Variants in SMAD2 observed in about 807,000 individuals in gnomAD.
SMAD2 encodes MAD homolog 2.
In SMAD2, 8 loss-of-function variants were observed where a neutral mutation model predicts 64.4. The ratio of observed to expected loss-of-function variants is 0.12; its 90% CI spans 0.07 to 0.22. The LOEUF (loss-of-function observed/expected upper bound fraction) is 0.22. Ranked by LOEUF, SMAD2 falls within the 10% of genes least tolerant of loss-of-function variation. SMAD2 has a pLI of 1.00. For missense variants in SMAD2, 289 were observed against 561.2 expected (o/e 0.51, Z 4.90); for synonymous variants, 203 against 195.8 (o/e 1.04, Z -0.31).
chr18:47,865,480 C>T (rs1025485698), intron 5 of SMAD2, among the ~76,000 whole-genome samples: 1 of 152,240 alleles, frequency 6.6e-6, no homozygotes, highest in South Asian at 2.1e-4. Context: ...TCAGTAACTA[C>T]AATTTTTTGT....
rs1362567267 is a variant in SMAD2, at chr18:47,903,268, G to C, written c.-53-6459C>G. ...CGAGGCTGAAATGAGTAGCGAACTT[G>C]AAGACAGGGTAGGATTGCTAAAAGA... On this transcript the variant is annotated intron_variant, in intron 1 of 10. Coordinates refer to ENST00000262160, the MANE Select transcript of SMAD2 (RefSeq NM_005901.6). Among the ~76,000 whole-genome samples the C allele has an allele frequency of 2.0e-5, 3 of 152,118 alleles. No homozygotes were observed. The East Asian group carries it at 5.8e-4, about 29-fold the overall frequency.
chr18:47,885,130 TATACACACACACAC>T (rs1346191215), intron 2 of SMAD2, among the ~76,000 whole-genome samples: 10 of 64,272 alleles, frequency 1.6e-4, no homozygotes, highest in Admixed American at 1.1e-3. Context: ...GATTTAGTCA[TATACACACACACAC>T]ACACACACAC....
At chr18:47,861,158 C>T (rs2031153587) in intron 6 of SMAD2, among the ~76,000 whole-genome samples, 1 of 152,070 alleles carries the variant, frequency 6.6e-6, no homozygotes, top group Non-Finnish European at 1.5e-5. Context: ...GAGTTCGAGA[C>T]CAGCCTGACC....
chr18:47,850,516 T>C (rs868246115), intron 7 of SMAD2, among the ~76,000 whole-genome samples: 9 of 30,670 alleles, frequency 2.9e-4, no homozygotes, highest in South Asian at 8.5e-4. Flanking sequence ...ATATATATAA[T>C]ATATATTATG....
intron 1 of SMAD2, among the ~76,000 whole-genome samples, chr18:47,914,356 T>G (rs1373108036): frequency 6.6e-6 from 1 of 152,180 alleles, no homozygotes; most frequent in African/African-American, 2.4e-5. Flanking sequence ...AGGAAACATT[T>G]ATTGAGTGCT....
At chr18:47,882,041 CTTTTT>C (rs71162900) in intron 2 of SMAD2, among the ~76,000 whole-genome samples, 847 of 38,818 alleles carry the variant, frequency 0.022, 18 homozygotes, top group South Asian at 0.062. Context: ...CCACGCTTGG[CTTTTT>C]TTTTTTTTTT....
In SMAD2 at chr18:47,829,913, C is replaced by T. The variant is rs1366912719; in HGVS notation, c.*11914G>A. The T allele has an allele frequency of 2.0e-5, 3 of 152,174 alleles. No individual in the cohort carries two copies. Among genetic ancestry groups the T allele is most frequent in the Non-Finnish European group, 4.4e-5 (3 of 68,016 alleles). 9.4% of individuals were successfully genotyped at this position (152,174 alleles called of 1,614,324 possible). The stretch of plus-strand genomic sequence containing the variant: ...AGTATAAAATTTTGTCAGTGGTTTT[C>T]ATTTTAGAATTAAAAATTTGAATTT... On this transcript the variant is annotated 3_prime_UTR_variant, in exon 11 of 11. Coordinates refer to ENST00000262160, the MANE Select transcript of SMAD2 (RefSeq NM_005901.6).
chr18:47,885,923 C>G (rs2032877311), intron 2 of SMAD2, among the ~76,000 whole-genome samples: 1 of 152,212 alleles, frequency 6.6e-6, no homozygotes, highest in African/African-American at 2.4e-5. Context: ...CACTGCACTA[C>G]TGCACTCCAG....
chr18:47,903,939 G>C (rs1449348284), intron 1 of SMAD2, among the ~76,000 whole-genome samples: 1 of 149,442 alleles, frequency 6.7e-6, no homozygotes, highest in Non-Finnish European at 1.5e-5. Context: ...TGGGGTGCCA[G>C]AGAAAGATGA....
intron 1 of SMAD2, among the ~76,000 whole-genome samples, chr18:47,908,506 A>G (rs986277133): frequency 6.6e-6 from 1 of 152,246 alleles, no homozygotes; most frequent in Admixed American, 6.5e-5. Context: ...ATAAAGCATA[A>G]AAGATATGTA....
intron 5 of SMAD2, 133 bp downstream of exon 5, chr18:47,868,190 A>G: frequency 2.6e-6 from 2 of 774,556 alleles, no homozygotes; most frequent in Non-Finnish European, 2.2e-6. Context: ...TAATCACCCA[A>G]CGAATCCAAT....
intron 10 of SMAD2, chr18:47,845,107 AC>A: frequency 1.6e-6 from 1 of 616,770 alleles, no homozygotes; most frequent in Non-Finnish European, 2.9e-6. Flanking sequence ...GATATTTAAC[AC>A]TCTGAATTAC....
At chr18:47,885,051 G>A (rs771231021) in intron 2 of SMAD2, among the ~76,000 whole-genome samples, 1 of 151,076 alleles carries the variant, frequency 6.6e-6, no homozygotes, top group Non-Finnish European at 1.5e-5. Context: ...TTTACTTAAA[G>A]AAAACAAAAG....
At chr18:47,922,419 T>C (rs754281830) in intron 1 of SMAD2, 1 of 152,232 alleles carries the variant, frequency 6.6e-6, no homozygotes, top group Non-Finnish European at 1.5e-5. Context: ...ACTGAACATG[T>C]ACAGACTTTT....
intron 1 of SMAD2, among the ~76,000 whole-genome samples, chr18:47,901,720 A>T (rs1568099600): frequency 6.6e-6 from 1 of 152,182 alleles, no homozygotes; most frequent in Non-Finnish European, 1.5e-5. Context: ...TATGAAGGAG[A>T]CTACCTCTGG....
intron 1 of SMAD2, among the ~76,000 whole-genome samples, chr18:47,916,797 C>A (rs1339785174): frequency 6.6e-6 from 1 of 152,194 alleles, no homozygotes; most frequent in East Asian, 1.9e-4. Flanking sequence ...AAATTGTCCA[C>A]TTTACCTGTT....
chr18:47,887,946 G>C (rs2032995876), intron 2 of SMAD2, among the ~76,000 whole-genome samples: 1 of 152,142 alleles, frequency 6.6e-6, no homozygotes, highest in Non-Finnish European at 1.5e-5. Flanking sequence ...ACAGCCTACA[G>C]GTGAGTAACA....
intron 1 of SMAD2, among the ~76,000 whole-genome samples, chr18:47,903,059 G>C (rs1236740727): frequency 6.6e-6 from 1 of 152,084 alleles, no homozygotes; most frequent in Non-Finnish European, 1.5e-5. Context: ...ATCCCCTAAG[G>C]AGCTTAAGAT....
intron 7 of SMAD2, among the ~76,000 whole-genome samples, chr18:47,849,998 C>A (rs1221154980): frequency 4.6e-5 from 7 of 150,888 alleles, no homozygotes; most frequent in African/African-American, 9.8e-5. Context: ...CAGAGCAAGA[C>A]TCTGTCTCAA....
Sources: allele counts gnomAD v4.1 joint callset (sites outside exome capture counted in the v4.1 genomes callset), GRCh38; gene constraint gnomAD v4.1.1; transcripts MANE v1.5; gene names NCBI Gene and HGNC (gene_info 2026-07-23, HGNC 2026-07-21).